The following GRM5 variants were observed in gnomAD, a reference collection of about 807,000 sequenced individuals.
GRM5 encodes glutamate metabotropic receptor 5.
Under a neutral mutation model 83.1 loss-of-function variants are expected in GRM5, and 19 were observed. That is an observed-to-expected ratio of 0.23 (90% CI 0.16 to 0.34). The LOEUF is 0.34. Ranked by LOEUF, GRM5 falls within the 10% of genes least tolerant of loss-of-function variation. GRM5 has a pLI of 1.00. For missense variants in GRM5, 1,160 were observed against 1,588.3 expected, an observed-to-expected ratio of 0.73 and a Z score of 4.58; for synonymous variants, 675 against 633.6, an observed-to-expected ratio of 1.07 and a Z score of -0.98.
At chr11:88,854,418 G>GT (rs1195341384) in intron 2 of GRM5, among the ~76,000 whole-genome samples, 1 of 151,872 alleles carries the variant, frequency 6.6e-6, no homozygotes, top group Non-Finnish European at 1.5e-5. Flanking sequence ...GAGGACCCCA[G>GT]TTTTTTCCTC....
chr11:88,576,825 G>A (rs1591360138), intron 7 of GRM5, among the ~76,000 whole-genome samples: 3 of 152,110 alleles, frequency 2.0e-5, no homozygotes, highest in African/African-American at 7.2e-5. Context: ...GGGTATCAGT[G>A]GAATTTTGCA....
Position 89,021,262 on chromosome 11 carries a change from G to A in GRM5, c.661+25950C>T, listed in dbSNP as rs1309293133. ...CAATGTAATAAACAGAAAGCAAAAT[G>A]TGCAGGAAGAAATAAAAAAGAAAAT... On this transcript the variant is annotated intron_variant, in intron 2 of 9. Transcript: ENST00000305447. Among the ~76,000 whole-genome samples the A allele has an allele frequency of 3.9e-5, 6 of 152,150 alleles. No homozygotes were observed. In the East Asian group the frequency reaches 1.2e-3, roughly 29 times the overall value.
intron 3 of GRM5, among the ~76,000 whole-genome samples, chr11:88,746,646 T>C (rs1331927051): frequency 6.6e-6 from 1 of 152,148 alleles, no homozygotes; most frequent in Non-Finnish European, 1.5e-5. Context: ...GCATTCATCA[T>C]ATACTAACTG....
chr11:88,525,232 A>G (rs1941838663), intron 9 of GRM5, 77 bp downstream of exon 9: 1 of 844,448 alleles, frequency 1.2e-6, no homozygotes, highest in African/African-American at 1.7e-5. Flanking sequence ...GTGAGGACCC[A>G]GACCAGGGAG....
intron 3 of GRM5, among the ~76,000 whole-genome samples, chr11:88,800,236 T>C (rs1002325909): frequency 4.6e-5 from 7 of 152,152 alleles, no homozygotes; most frequent in Admixed American, 2.6e-4. Flanking sequence ...AAATTAGTTC[T>C]ATAAAGTCAA....
At chr11:88,549,180 G>A (rs1426903346) in intron 8 of GRM5, among the ~76,000 whole-genome samples, 1 of 152,112 alleles carries the variant, frequency 6.6e-6, no homozygotes, top group Non-Finnish European at 1.5e-5. Flanking sequence ...AAATGGCCAG[G>A]AGGCCTGGCA....
At chr11:88,906,775 C>A (rs1270996332) in intron 2 of GRM5, among the ~76,000 whole-genome samples, 1 of 152,036 alleles carries the variant, frequency 6.6e-6, no homozygotes, top group Non-Finnish European at 1.5e-5. Flanking sequence ...TATTCATCTG[C>A]TAAAAATTGA....
At chr11:88,749,179 G>T (rs1942209708) in intron 3 of GRM5, among the ~76,000 whole-genome samples, 1 of 152,126 alleles carries the variant, frequency 6.6e-6, no homozygotes. Context: ...GTAACCTAAT[G>T]CTAAGAAGGA....
intron 2 of GRM5, among the ~76,000 whole-genome samples, chr11:88,993,290 T>C (rs1414364587): frequency 1.4e-5 from 2 of 140,146 alleles, no homozygotes; most frequent in Non-Finnish European, 3.1e-5. Context: ...AAAAGACAAG[T>C]GTCCAGTTTC....
intron 2 of GRM5, among the ~76,000 whole-genome samples, chr11:89,042,383 C>T (rs1323123940): frequency 1.3e-5 from 2 of 152,098 alleles, no homozygotes; most frequent in Admixed American, 6.6e-5. Context: ...TCTTGAGTTC[C>T]AAGACACAAC....
intron 2 of GRM5, among the ~76,000 whole-genome samples, chr11:88,861,607 A>G (rs1424824049): frequency 2.0e-5 from 3 of 151,980 alleles, no homozygotes; most frequent in Non-Finnish European, 4.4e-5. Context: ...CTGGGACTAC[A>G]GGCACACACT....
intron 8 of GRM5, among the ~76,000 whole-genome samples, chr11:88,525,907 A>G (rs1332740909): frequency 6.6e-6 from 1 of 152,232 alleles, no homozygotes; most frequent in Non-Finnish European, 1.5e-5. Flanking sequence ...AGTTAATTAA[A>G]TAAGTGGTTG....
In GRM5 at chr11:88,847,043, C is replaced by G. The variant is rs192313077; in HGVS notation, c.911+2863G>C. On this transcript the variant is annotated intron_variant, in intron 3 of 9. Coordinates refer to ENST00000305447, the MANE Select transcript of GRM5 (RefSeq NM_001143831.3). ...TATGGTAGTTGGGTAATTGTGTCATCCAAATTTTGGAGGTATCAGTTTCCT... is the reference window on the plus strand; with the variant it reads ...TATGGTAGTTGGGTAATTGTGTCATGCAAATTTTGGAGGTATCAGTTTCCT... 3.4e-3 allele frequency among the ~76,000 whole-genome samples: 512 copies of G among 152,172 alleles called. 4 individuals are homozygous for G. The highest frequency in any genetic ancestry group is 0.012 in the African/African-American group (494 of 41,534).
At chr11:88,837,294 T>C (rs1944110281) in intron 3 of GRM5, among the ~76,000 whole-genome samples, 1 of 152,346 alleles carries the variant, frequency 6.6e-6, no homozygotes, top group Admixed American at 6.5e-5. Flanking sequence ...ACAGGTTATC[T>C]TCTAATATCC....
chr11:88,816,468 G>C (rs1287001626), intron 3 of GRM5, among the ~76,000 whole-genome samples: 1 of 150,212 alleles, frequency 6.7e-6, no homozygotes, highest in Non-Finnish European at 1.5e-5. Context: ...GAACCTGGGA[G>C]GCAGAGGTTG....
At position 88,849,972 on chromosome 11, in the gene GRM5, G is replaced by A. The variant is rs761709134; in HGVS notation, c.845C>T (p.Thr282Met). The change falls in exon 3 of 10, where the codon ACG (threonine) becomes ATG (methionine). Residue 282 changes from threonine to methionine, a missense_variant. Physicochemically the swap from Thr to Met is moderately conservative, Grantham distance 81. Around this residue, in one of 9 missense-constraint regions of GRM5, gnomAD observed 84 missense variants for 231.0 expected, o/e 0.36. Coordinates refer to ENST00000305447, the MANE Select transcript of GRM5 (RefSeq NM_001143831.3). Reference sequence around the variant, plus strand: ...CATGGCCATCAGCAGACCTCTCACCGTCATGCCCTCACAGAAGCAGGCCAC... The same window carrying A: ...CATGGCCATCAGCAGACCTCTCACCATCATGCCCTCACAGAAGCAGGCCAC... ...RVVACFCEGM[T>M]VRGLLMAMRR... 6.2e-6 allele frequency: 10 copies of A among 1,613,836 alleles called. No homozygotes were observed. The highest frequency in any genetic ancestry group is 2.2e-5 in the South Asian group (2 of 91,086).
chr11:88,742,167 G>A (rs746421193), intron 3 of GRM5, among the ~76,000 whole-genome samples: 4 of 151,892 alleles, frequency 2.6e-5, no homozygotes, highest in Middle Eastern at 3.2e-3. Context: ...AGAAGATCTA[G>A]GTGGTCATGT....
intron 3 of GRM5, among the ~76,000 whole-genome samples, chr11:88,658,090 C>T (rs898135957): frequency 6.6e-6 from 1 of 152,060 alleles, no homozygotes. Context: ...GCATTACCTC[C>T]TGAGCTCTGT....
intron 3 of GRM5, among the ~76,000 whole-genome samples, chr11:88,836,124 G>T (rs1944090654): frequency 6.6e-6 from 1 of 152,148 alleles, no homozygotes; most frequent in Non-Finnish European, 1.5e-5. Flanking sequence ...ATGTAAGTAG[G>T]CATATTCATC....
Sources: gnomAD v4.1 joint callset for allele counts (sites outside exome capture counted in the v4.1 genomes callset) on GRCh38, gnomAD v4.1.1 for gene constraint, gnomAD v4.1.1 regional missense constraint, MANE v1.5 for transcripts, NCBI Gene and HGNC (gene_info 2026-07-23, HGNC 2026-07-21) for gene names.